Variants in TCF12 observed in about 807,000 individuals in gnomAD.
TCF12 encodes the protein DNA-binding protein HTF4.
Under a neutral mutation model 86.0 loss-of-function variants are expected in TCF12, and 45 were observed. The observed-to-expected ratio is 0.52, with a 90% CI of 0.41 to 0.67. The LOEUF (loss-of-function observed/expected upper bound fraction) is 0.67, where lower values mean the gene tolerates loss of function less well. TCF12 is among the 30% of genes least tolerant of loss of function. TCF12 has a pLI of 0.00. For missense variants in TCF12, 881 were observed against 859.9 expected (o/e 1.02, Z -0.31); for synonymous variants, 330 against 299.6 (o/e 1.10, Z -1.05).
intron 3 of TCF12, among the ~76,000 whole-genome samples, chr15:56,984,249 G>GGTGTGTGT (rs56221122): frequency 0.11 from 13,778 of 122,808 alleles, 809 homozygotes; most frequent in Middle Eastern, 0.14. Context: ...GCATGTGCAT[G>GGTGTGTGT]GTGTGTGTGT....
At chr15:57,179,615 C>T (rs575364032) in intron 6 of TCF12, among the ~76,000 whole-genome samples, 1 of 151,922 alleles carries the variant, frequency 6.6e-6, no homozygotes, top group Admixed American at 6.5e-5. Context: ...CTCAAACTTG[C>T]ATGACACTTT....
chr15:56,976,630 A>T (rs574046748), intron 3 of TCF12, among the ~76,000 whole-genome samples: 26 of 152,222 alleles, frequency 1.7e-4, no homozygotes, highest in Admixed American at 5.2e-4. Flanking sequence ...GAGCATCATG[A>T]ATACTAATAT....
In TCF12 at chr15:57,252,412, C is replaced by CT; in HGVS notation, c.1189-6dup. On this transcript the variant is annotated splice_polypyrimidine_tract_variant and intron_variant, in intron 14 of 20. Coordinates refer to ENST00000333725, the MANE Select transcript of TCF12 (RefSeq NM_207037.2). ...TGCTTTGCCTCCTGTTCTGTCTTGA[C>CT]TTTGCCAGAAAAATCGAGTTGAGCA... 3 of 1,613,288 alleles carry CT rather than the reference C, an allele frequency of 1.9e-6. No individual in the cohort carries two copies. The highest frequency in any genetic ancestry group is 2.5e-6 in the Non-Finnish European group (3 of 1,179,400).
intron 6 of TCF12, among the ~76,000 whole-genome samples, chr15:57,177,384 C>T (rs1217816604): frequency 3.3e-5 from 5 of 151,342 alleles, no homozygotes. Context: ...GTTCTTCTGC[C>T]ACAGCCTCCT....
chr15:57,024,216 C>CTTTTTTTTTTTTTTTTT (rs59793819), intron 3 of TCF12, among the ~76,000 whole-genome samples: 56 of 111,278 alleles, frequency 5.0e-4, no homozygotes, highest in African/African-American at 1.7e-3. Flanking sequence ...AAAAAAGTGT[C>CTTTTTTTTTTTTTTTTT]TTTTTTTTTT....
chr15:57,185,455 C>T (rs2056612551), intron 6 of TCF12, among the ~76,000 whole-genome samples: 1 of 152,086 alleles, frequency 6.6e-6, no homozygotes, highest in Non-Finnish European at 1.5e-5. Flanking sequence ...AACCTAACTT[C>T]ATACCTTAAG....
At chr15:57,247,239 C>G (rs1446078976) in intron 13 of TCF12, 2 of 637,296 alleles carry the variant, frequency 3.1e-6, no homozygotes, top group Non-Finnish European at 5.8e-6. Flanking sequence ...TTGCCACCAT[C>G]ACCTCCAAAA....
At chr15:57,127,348 T>G (rs1361260681) in intron 5 of TCF12, among the ~76,000 whole-genome samples, 2 of 152,178 alleles carry the variant, frequency 1.3e-5, no homozygotes, top group Non-Finnish European at 2.9e-5. Flanking sequence ...ACAATTACAA[T>G]ATACAAGAAG....
chr15:57,173,857 G>A (rs1055273937), intron 6 of TCF12, among the ~76,000 whole-genome samples: 32 of 151,722 alleles, frequency 2.1e-4, no homozygotes, highest in African/African-American at 7.0e-4. Context: ...ACAGGTGCCC[G>A]CCACCACGCC....
At chr15:56,951,693 A>C (rs1459453876) in intron 3 of TCF12, among the ~76,000 whole-genome samples, 3 of 152,176 alleles carry the variant, frequency 2.0e-5, no homozygotes, top group African/African-American at 7.2e-5. Context: ...TCTGTTGCTC[A>C]GGCTGGAGTG....
chr15:57,262,609 A>C (rs2060639392), intron 17 of TCF12, among the ~76,000 whole-genome samples: 2 of 152,310 alleles, frequency 1.3e-5, no homozygotes, highest in Middle Eastern at 3.4e-3. Flanking sequence ...GATTGAAGAG[A>C]CATGCAATTT....
intron 3 of TCF12, among the ~76,000 whole-genome samples, chr15:56,981,719 T>G (rs552487203): frequency 6.6e-6 from 1 of 152,360 alleles, no homozygotes; most frequent in South Asian, 2.1e-4. Flanking sequence ...GAAGTCTTAC[T>G]GATAACATAA....
intron 6 of TCF12, among the ~76,000 whole-genome samples, chr15:57,167,378 T>C (rs1178971016): frequency 6.6e-6 from 1 of 152,116 alleles, no homozygotes; most frequent in Non-Finnish European, 1.5e-5. Flanking sequence ...CTGGGCAACA[T>C]AGTGAGACCT....
chr15:57,248,162 T>G, intron 13 of TCF12: 1 of 698,796 alleles, frequency 1.4e-6, no homozygotes, highest in Admixed American at 2.0e-5. Flanking sequence ...CTTAAACAGA[T>G]TTCCCCTTAC....
chr15:57,227,429 C>T (rs2058941725), intron 8 of TCF12, among the ~76,000 whole-genome samples: 1 of 152,084 alleles, frequency 6.6e-6, no homozygotes. Context: ...AAAAAGGGAT[C>T]TGTCTTTGCC....
intron 19 of TCF12, among the ~76,000 whole-genome samples, chr15:57,276,699 A>G (rs114965121): frequency 0.012 from 1,755 of 152,288 alleles, 31 homozygotes; most frequent in African/African-American, 0.039. Flanking sequence ...AAATATCATC[A>G]GCGTTCTGGA....
chr15:57,045,237 C>T (rs2067153787), intron 3 of TCF12, among the ~76,000 whole-genome samples: 1 of 152,148 alleles, frequency 6.6e-6, no homozygotes, highest in Non-Finnish European at 1.5e-5. Context: ...ACAAAAGGAA[C>T]TGGGGCAAAA....
intron 3 of TCF12, among the ~76,000 whole-genome samples, chr15:56,958,606 G>T (rs1192622464): frequency 1.3e-5 from 2 of 151,922 alleles, no homozygotes; most frequent in African/African-American, 4.8e-5. Flanking sequence ...ACTGCAGACA[G>T]TTCTGTTGGA....
At chr15:57,161,637 G>C (rs1439950356) in intron 5 of TCF12, among the ~76,000 whole-genome samples, 1 of 152,194 alleles carries the variant, frequency 6.6e-6, no homozygotes, top group Non-Finnish European at 1.5e-5. Context: ...TCCCAGGACA[G>C]AAGGAAAATC....
Sources: allele counts gnomAD v4.1 joint callset (sites outside exome capture counted in the v4.1 genomes callset), GRCh38; gene constraint gnomAD v4.1.1; transcripts MANE v1.5; gene names NCBI Gene and HGNC (gene_info 2026-07-23, HGNC 2026-07-21).